The following DNM3 variants were observed in gnomAD, a reference collection of about 807,000 sequenced individuals.
DNM3 encodes the protein dynamin-3.
In DNM3, 47 loss-of-function variants were observed where a neutral mutation model predicts 101.6. That is an observed-to-expected ratio of 0.46 (90% CI 0.37 to 0.59). DNM3 has a LOEUF of 0.59. Among genes scored for constraint, DNM3 ranks in the 20% least tolerant of loss-of-function variants. The pLI is 0.00. For missense variants in DNM3, 849 were observed against 1,085.7 expected (o/e 0.78, Z 3.06); for synonymous variants, 385 against 387.9 (o/e 0.99, Z 0.09).
chr1:172,368,652 T>C (rs2068157574), intron 17 of DNM3, among the ~76,000 whole-genome samples: 3 of 151,302 alleles, frequency 2.0e-5, no homozygotes, highest in Admixed American at 2.0e-4. Flanking sequence ...AAAACAACAA[T>C]ACAAAAGATC....
chr1:172,341,159 C>T (rs1156884819), intron 17 of DNM3, among the ~76,000 whole-genome samples: 1 of 152,014 alleles, frequency 6.6e-6, no homozygotes, highest in Non-Finnish European at 1.5e-5. Flanking sequence ...GAATAAAATA[C>T]CTAGGAATAC....
rs80117092 is a variant in DNM3 at position 172,311,551 on chromosome 1, G to A, written c.1881+2712G>A. ...CTGGGAGGCCCAGGCTACAGTGTTC[G>A]TCCCACCGCACTCCAGCCTGTGTGA... On this transcript the variant is annotated intron_variant, in intron 16 of 20. Transcript: ENST00000627582. 7.2e-3 allele frequency among the ~76,000 whole-genome samples: 1,101 copies of A among 152,128 alleles called. 12 individuals carry two copies. The highest frequency in any genetic ancestry group is 0.025 in the African/African-American group (1,028 of 41,480).
chr1:172,002,155 A>C (rs1234261401), intron 4 of DNM3, among the ~76,000 whole-genome samples: 2 of 152,058 alleles, frequency 1.3e-5, no homozygotes, highest in African/African-American at 4.8e-5. Context: ...TATTTGACCA[A>C]TTTAACAAAT....
At chr1:172,034,417 A>T (rs2048820989) in intron 6 of DNM3, among the ~76,000 whole-genome samples, 1 of 152,116 alleles carries the variant, frequency 6.6e-6, no homozygotes, top group South Asian at 2.1e-4. Context: ...CCTACAAAAA[A>T]TACAAATAAA....
intron 2 of DNM3, among the ~76,000 whole-genome samples, chr1:171,951,003 T>G (rs774609105): frequency 6.6e-6 from 1 of 152,158 alleles, no homozygotes; most frequent in Non-Finnish European, 1.5e-5. Flanking sequence ...GGGTGTGCTG[T>G]GTCGTCTGGT....
At chr1:171,959,218 CTTATA>C (rs2043052200) in intron 2 of DNM3, among the ~76,000 whole-genome samples, 1 of 151,804 alleles carries the variant, frequency 6.6e-6, no homozygotes, top group Admixed American at 6.6e-5. Flanking sequence ...AGTTTTGATT[CTTATA>C]TTAGTGGTGG....
chr1:172,370,176 G>A (rs1393973710), intron 17 of DNM3: 2 of 151,750 alleles, frequency 1.3e-5, no homozygotes, highest in Non-Finnish European at 2.9e-5. Context: ...GGTTAAAAAA[G>A]GCAGTATTAA....
intron 13 of DNM3, among the ~76,000 whole-genome samples, chr1:172,120,343 C>T (rs1390628579): frequency 2.0e-5 from 3 of 152,096 alleles, no homozygotes; most frequent in African/African-American, 7.2e-5. Context: ...AGACCCACCC[C>T]TCATGATTCA....
At chr1:171,896,459 G>A (rs185996830) in intron 1 of DNM3, among the ~76,000 whole-genome samples, 2 of 152,124 alleles carry the variant, frequency 1.3e-5, no homozygotes, top group East Asian at 3.9e-4. Flanking sequence ...TTGGTGTATA[G>A]GAATGCTTGT....
intron 14 of DNM3, among the ~76,000 whole-genome samples, chr1:172,247,518 G>A (rs893519684): frequency 3.3e-5 from 5 of 152,010 alleles, no homozygotes; most frequent in Non-Finnish European, 1.5e-5. Flanking sequence ...GTTAGAGCAA[G>A]CAAGTGAAGA....
intron 17 of DNM3, among the ~76,000 whole-genome samples, chr1:172,355,452 A>G (rs2067402371): frequency 1.3e-5 from 2 of 152,184 alleles, no homozygotes; most frequent in Admixed American, 6.5e-5. Context: ...AATTTTATGA[A>G]TAGATTAAAC....
At chr1:172,097,130 G>A (rs973784657) in intron 13 of DNM3, among the ~76,000 whole-genome samples, 20 of 152,182 alleles carry the variant, frequency 1.3e-4, no homozygotes, top group African/African-American at 3.9e-4. Flanking sequence ...GGCCGGGCAC[G>A]GTGACTTATG....
chr1:171,929,289 G>A (rs2040820087), intron 2 of DNM3, among the ~76,000 whole-genome samples: 1 of 152,100 alleles, frequency 6.6e-6, no homozygotes, highest in African/African-American at 2.4e-5. Flanking sequence ...CACCAGTGGG[G>A]ATAGCTAGAG....
At chr1:172,133,225 C>T in intron 14 of DNM3, 1 of 1,133,826 alleles carries the variant, frequency 8.8e-7, no homozygotes, top group Non-Finnish European at 1.1e-6. Flanking sequence ...AGGATGCTCT[C>T]TGTAGGGAAG....
Position 172,408,187 on chromosome 1 carries a change from A to C in DNM3, c.*346A>C. 9.3e-7 allele frequency: 1 copy of C among 1,073,748 alleles called. No individual in the cohort carries two copies. Among genetic ancestry groups the C allele is most frequent in the Non-Finnish European group, 1.1e-6 (1 of 883,562 alleles). 66.5% of individuals were successfully genotyped at this position (1,073,748 alleles called of 1,614,324 possible). ...TCTACCAGGTAGCTCATTAAACGTA[A>C]TTCTTCAGATATGAGATAGTGGGCT... On this transcript the variant is annotated 3_prime_UTR_variant, in exon 21 of 21. Coordinates refer to ENST00000627582, the MANE Select transcript of DNM3 (RefSeq NM_015569.5).
At chr1:172,081,051 A>G (rs183891460) in intron 11 of DNM3, among the ~76,000 whole-genome samples, 34 of 146,010 alleles carry the variant, frequency 2.3e-4, no homozygotes, top group African/African-American at 8.4e-4. Context: ...GGAGCTGCAT[A>G]CTGGAGCTGT....
chr1:172,117,914 G>A (rs557137660), intron 13 of DNM3, among the ~76,000 whole-genome samples: 36 of 152,324 alleles, frequency 2.4e-4, no homozygotes, highest in African/African-American at 7.9e-4. Context: ...TCATACATAA[G>A]AGATTGTGGC....
At chr1:172,214,476 T>C (rs1419986050) in intron 14 of DNM3, among the ~76,000 whole-genome samples, 5 of 151,650 alleles carry the variant, frequency 3.3e-5, no homozygotes, top group Non-Finnish European at 7.4e-5. Flanking sequence ...TGGATACATA[T>C]ACATACATAT....
intron 4 of DNM3, among the ~76,000 whole-genome samples, chr1:171,997,023 C>T (rs1478559612): frequency 6.6e-6 from 1 of 151,352 alleles, no homozygotes; most frequent in Non-Finnish European, 1.5e-5. Flanking sequence ...CAGAGTGAGA[C>T]CTTGTCTCAA....
Sources: allele counts gnomAD v4.1 joint callset (sites outside exome capture counted in the v4.1 genomes callset), GRCh38; gene constraint gnomAD v4.1.1; transcripts MANE v1.5; gene names NCBI Gene and HGNC (gene_info 2026-07-23, HGNC 2026-07-21).